CLVS1: variants seen among roughly 807,000 people sequenced by gnomAD.
The protein encoded by CLVS1 is clavesin 1.
Under a neutral mutation model 33.1 loss-of-function variants are expected in CLVS1, and 10 were observed. The observed-to-expected ratio is 0.30, with a 90% CI of 0.19 to 0.51. The LOEUF is 0.51. CLVS1 is among the 20% of genes least tolerant of loss of function. The pLI, the probability that CLVS1 is intolerant of heterozygous loss-of-function variation, is 0.97. For synonymous variants in CLVS1, 163 were observed against 166.1 expected, an observed-to-expected ratio of 0.98 and a Z score of 0.14; for missense variants, 343 against 433.4, an observed-to-expected ratio of 0.79 and a Z score of 1.85.
the CLVS1 span, among the ~76,000 whole-genome samples, chr8:60,975,562 C>A: frequency 4.7e-4 from 72 of 152,168 alleles, no homozygotes; most frequent in African/African-American, 1.3e-3. Context: ...TCCTGGAGCC[C>A]CCAGATGCAG....
rs1322097521 is a variant in CLVS1, at chr8:61,501,568, T to C, written c.*2026T>C. 6.6e-6 allele frequency: 1 copy of C among 152,188 alleles called. No homozygotes were observed. Among genetic ancestry groups the C allele is most frequent in the Non-Finnish European group, 1.5e-5 (1 of 68,016 alleles). 9.4% of individuals were successfully genotyped at this position (152,188 alleles called of 1,614,324 possible). A position where few individuals can be genotyped will look rare whatever the true frequency, so the allele number is the denominator to read the frequency against. On this transcript the variant is annotated 3_prime_UTR_variant, in exon 6 of 6. Coordinates refer to ENST00000325897, the MANE Select transcript of CLVS1 (RefSeq NM_173519.3). Reference sequence around the variant, plus strand: ...TGACATGAATGTTACTACATGAACATTGAATTGTATTGCCCTTGTCAGTTA... The same window carrying C: ...TGACATGAATGTTACTACATGAACACTGAATTGTATTGCCCTTGTCAGTTA...
chr8:61,154,897 A>C (rs1806619046), intron 2 of CLVS1, among the ~76,000 whole-genome samples: 1 of 152,210 alleles, frequency 6.6e-6, no homozygotes, highest in East Asian at 1.9e-4. Context: ...TGTGAAAAAC[A>C]GAGAAAGCAT....
chr8:61,249,761 G>A (rs1054450016), intron 2 of CLVS1, among the ~76,000 whole-genome samples: 1 of 151,856 alleles, frequency 6.6e-6, no homozygotes, highest in African/African-American at 2.4e-5. Context: ...GTTTTTGATG[G>A]GGTTGTTTTT....
At chr8:61,150,779 T>A (rs1049622548) in intron 2 of CLVS1, among the ~76,000 whole-genome samples, 3 of 152,116 alleles carry the variant, frequency 2.0e-5, no homozygotes, top group Non-Finnish European at 2.9e-5. Flanking sequence ...ACTGGCCCAG[T>A]GTGAGCTGGT....
chr8:61,061,930 T>A (rs988202044), intron 1 of CLVS1, among the ~76,000 whole-genome samples: 1 of 152,162 alleles, frequency 6.6e-6, no homozygotes, highest in Admixed American at 6.5e-5. Flanking sequence ...TTTTGCCTTC[T>A]ATTATGTTTA....
At chr8:61,430,661 G>T (rs1056290875) in intron 3 of CLVS1, among the ~76,000 whole-genome samples, 1 of 152,134 alleles carries the variant, frequency 6.6e-6, no homozygotes, top group Non-Finnish European at 1.5e-5. Context: ...GTCTTTATGT[G>T]CTCTGCTACT....
intron 1 of CLVS1, among the ~76,000 whole-genome samples, chr8:61,103,879 G>A (rs928469595): frequency 6.6e-6 from 1 of 152,204 alleles, no homozygotes; most frequent in Non-Finnish European, 1.5e-5. Context: ...GCCTGGATGG[G>A]TGGGGATTTA....
At chr8:61,234,261 G>A (rs1808506583) in intron 2 of CLVS1, among the ~76,000 whole-genome samples, 1 of 152,160 alleles carries the variant, frequency 6.6e-6, no homozygotes, top group Non-Finnish European at 1.5e-5. Flanking sequence ...CTGTGTGCGT[G>A]CGTATTCATG....
chr8:61,076,075 T>C (rs1457191101), intron 1 of CLVS1, among the ~76,000 whole-genome samples: 4 of 152,208 alleles, frequency 2.6e-5, no homozygotes, highest in Non-Finnish European at 4.4e-5. Flanking sequence ...TAACCTGGCA[T>C]GACTCAAAAG....
chr8:61,438,361 T>C (rs1405016259), intron 3 of CLVS1, among the ~76,000 whole-genome samples: 1 of 152,220 alleles, frequency 6.6e-6, no homozygotes, highest in African/African-American at 2.4e-5. Context: ...CATTATCTCA[T>C]TACTTTTTAG....
At chr8:61,225,458 AT>A (rs1281767736) in intron 2 of CLVS1, among the ~76,000 whole-genome samples, 16 of 152,186 alleles carry the variant, frequency 1.1e-4, no homozygotes, top group African/African-American at 3.4e-4. Context: ...ATACTTTGTT[AT>A]TTTTAAGTGT....
At chr8:61,154,211 G>GTT (rs201711313) in intron 2 of CLVS1, among the ~76,000 whole-genome samples, 84 of 146,184 alleles carry the variant, frequency 5.7e-4, no homozygotes, top group African/African-American at 2.0e-3. Flanking sequence ...TGCTTTTTTT[G>GTT]TTTTTTTTTG....
At chr8:61,267,268 A>G (rs1809327925) in intron 2 of CLVS1, among the ~76,000 whole-genome samples, 1 of 151,814 alleles carries the variant, frequency 6.6e-6, no homozygotes, top group Admixed American at 6.6e-5. Context: ...ATCAAAGGGT[A>G]TTATTATTAT....
At chr8:61,409,723 G>C (rs1019796497) in intron 3 of CLVS1, among the ~76,000 whole-genome samples, 3 of 152,100 alleles carry the variant, frequency 2.0e-5, no homozygotes, top group Admixed American at 6.5e-5. Flanking sequence ...TCCATGGTTG[G>C]GGGGACGGTG....
At position 61,457,145 on chromosome 8, in the gene CLVS1, C is replaced by T. The variant is rs200250492; in HGVS notation, c.742-1162C>T. 9.8e-4 allele frequency among the ~76,000 whole-genome samples: 149 copies of T among 152,088 alleles called. 6 individuals are homozygous for T. The East Asian group carries it at 0.028, about 29-fold the overall frequency. Reference sequence around the variant, plus strand: ...AGAGACAGGGTTTCAACATGTTGGCCAGGCTGGTCTCGAACTCCTGACCTC... The same window carrying T: ...AGAGACAGGGTTTCAACATGTTGGCTAGGCTGGTCTCGAACTCCTGACCTC... On this transcript the variant is annotated intron_variant, in intron 4 of 5. Coordinates refer to ENST00000325897, the MANE Select transcript of CLVS1 (RefSeq NM_173519.3).
chr8:60,966,595 G>C, the CLVS1 span: 1 of 237,084 alleles, frequency 4.2e-6, no homozygotes, highest in Non-Finnish European at 8.7e-6. Flanking sequence ...TATCTTTCTG[G>C]GTCCCAGGGA....
chr8:61,107,337 T>C (rs1335499672), intron 1 of CLVS1, among the ~76,000 whole-genome samples: 2 of 152,178 alleles, frequency 1.3e-5, no homozygotes, highest in African/African-American at 4.8e-5. Context: ...ACTGGAAAAT[T>C]ATAAACAACA....
chr8:61,445,670 A>C (rs965147754), intron 3 of CLVS1, among the ~76,000 whole-genome samples: 1 of 152,206 alleles, frequency 6.6e-6, no homozygotes, highest in African/African-American at 2.4e-5. Context: ...CAAAGGTAAT[A>C]CTAGCTTCAT....
intron 5 of CLVS1, among the ~76,000 whole-genome samples, chr8:61,493,177 A>T (rs1038067439): frequency 6.6e-6 from 1 of 152,176 alleles, no homozygotes; most frequent in African/African-American, 2.4e-5. Flanking sequence ...TTGATTTTTT[A>T]AAATACTAGA....
Sources: allele counts gnomAD v4.1 joint callset (sites outside exome capture counted in the v4.1 genomes callset), GRCh38; gene constraint gnomAD v4.1.1; transcripts MANE v1.5; gene names NCBI Gene and HGNC (gene_info 2026-07-23, HGNC 2026-07-21).